The following ELP1 variants were observed in gnomAD, a reference collection of about 807,000 sequenced individuals.
The protein encoded by ELP1 is elongator acetyltransferase complex subunit 1, also known as elongator complex protein 1.
Under a neutral mutation model 183.2 loss-of-function variants are expected in ELP1, and 131 were observed. The ratio of observed to expected loss-of-function variants is 0.72; its 90% CI spans 0.62 to 0.83. ELP1 has a LOEUF of 0.83. ELP1 is among the 40% of genes least tolerant of loss of function. The probability of loss-of-function intolerance (pLI) is 0.00; values close to 1 mark genes in which losing one functional copy is unlikely to be tolerated. For synonymous variants in ELP1, 555 were observed against 569.0 expected, an observed-to-expected ratio of 0.98 and a Z score of 0.35; for missense variants, 1,550 against 1,594.9, an observed-to-expected ratio of 0.97 and a Z score of 0.48.
rs144301886 is a variant in ELP1, at chr9:108,879,525, G to C, written c.3493C>G (p.Leu1165Val). ...ACGACACTGCTAGTTTCAGAGAAGA[G>C]GTCTGACTCTTGCCCGTGGGGTACC... ...DEVPHGQESDLFSETSSVVSG... is the reference protein window; with the variant it reads ...DEVPHGQESDVFSETSSVVSG... Residue 1165 changes from leucine (L) to valine (V), a missense_variant, in exon 33 of 37, where the codon CTC becomes GTC. Transcript: ENST00000374647. 3.1e-6 allele frequency: 5 copies of C among 1,613,936 alleles called. No homozygotes were observed. The highest frequency in any genetic ancestry group is 4.2e-6 in the Non-Finnish European group (5 of 1,179,948).
chr9:108,911,275 C>T (rs1232257915), intron 11 of ELP1, 95 bp from the exon 12 acceptor site: 3 of 1,161,766 alleles, frequency 2.6e-6, no homozygotes, highest in South Asian at 1.3e-5. Flanking sequence ...ACAATAATGG[C>T]AATTCACAAA....
chr9:108,920,880 T>C (rs947891716), intron 6 of ELP1, among the ~76,000 whole-genome samples: 1 of 152,070 alleles, frequency 6.6e-6, no homozygotes, highest in Admixed American at 6.5e-5. Flanking sequence ...ACCTGGATCA[T>C]CCTATACCAT....
intron 29 of ELP1, among the ~76,000 whole-genome samples, chr9:108,885,345 C>A (rs913918534): frequency 6.6e-6 from 1 of 151,900 alleles, no homozygotes; most frequent in South Asian, 2.1e-4. Flanking sequence ...TCACCATAGA[C>A]CCTACGGACA....
chr9:108,876,584 G>A (rs1274158779), intron 35 of ELP1, among the ~76,000 whole-genome samples: 1 of 152,134 alleles, frequency 6.6e-6, no homozygotes, highest in Non-Finnish European at 1.5e-5. Flanking sequence ...TCTATCCACT[G>A]CTTGTGGTGC....
intron 5 of ELP1, among the ~76,000 whole-genome samples, chr9:108,925,341 C>T (rs1829793237): frequency 6.6e-6 from 1 of 152,220 alleles, no homozygotes; most frequent in Non-Finnish European, 1.5e-5. Flanking sequence ...TCTGCCACTT[C>T]AGCAATGCTG....
In ELP1 at chr9:108,896,476, A is replaced by G. The variant is rs1392637150; in HGVS notation, c.2736+20T>C. Reference sequence around the variant, plus strand: ...ATATAAACAAGAACCAAATGGCATAAAAGTAAGAACTCCACATACCTTCTG... The same window carrying G: ...ATATAAACAAGAACCAAATGGCATAGAAGTAAGAACTCCACATACCTTCTG... On this transcript the variant is annotated intron_variant, in intron 25 of 36. Coordinates refer to ENST00000374647, the MANE Select transcript of ELP1 (RefSeq NM_003640.5). 1 of 1,613,338 alleles carries G rather than the reference A, an allele frequency of 6.2e-7. No individual in the cohort carries two copies. The highest frequency in any genetic ancestry group is 1.7e-5 in the Admixed American group (1 of 60,024).
rs1300230302 is a variant in ELP1 at position 108,922,939 on chromosome 9, T to A, written c.467-12A>T. ...AGTGATAAACTTGCCTACAGAACAATTGGCAAGACAACTAATAAGCCACAT... is the reference window on the plus strand; with the variant it reads ...AGTGATAAACTTGCCTACAGAACAAATGGCAAGACAACTAATAAGCCACAT... On this transcript the variant is annotated splice_polypyrimidine_tract_variant and intron_variant, in intron 5 of 36. Coordinates refer to ENST00000374647, the MANE Select transcript of ELP1 (RefSeq NM_003640.5). 14 of 1,592,002 alleles carry A rather than the reference T, an allele frequency of 8.8e-6. No individual in the cohort carries two copies. The highest frequency in any genetic ancestry group is 1.2e-5 in the Non-Finnish European group (14 of 1,159,774).
chr9:108,932,720 C>T (rs941089396), intron 1 of ELP1, among the ~76,000 whole-genome samples: 1 of 152,102 alleles, frequency 6.6e-6, no homozygotes, highest in Non-Finnish European at 1.5e-5. Context: ...GCCTTATTCC[C>T]TTATCTTCTC....
rs762459195 is a variant in ELP1 at position 108,912,317 on chromosome 9, C to T, written c.1136G>A (p.Arg379Gln). ...LAYDWHWTTD[R>Q]SVGDNSSDLS... ...GTCACTTGAATTATCTCCCACGCTC[C>T]GGTCAGTCGTCCAGTGCCAATCATA... Residue 379 changes from arginine to glutamine, a missense_variant, in exon 11 of 37, where the codon CGG (arginine) becomes CAG (glutamine). Physicochemically the swap from Arg to Gln is conservative, Grantham distance 43 (BLOSUM62 1). Coordinates refer to ENST00000374647, the MANE Select transcript of ELP1 (RefSeq NM_003640.5). The T allele has an allele frequency of 2.7e-5, 43 of 1,614,056 alleles. No individual in the cohort carries two copies. Among genetic ancestry groups the T allele is most frequent in the Non-Finnish European group, 3.4e-5 (40 of 1,180,030 alleles).
intron 25 of ELP1, among the ~76,000 whole-genome samples, chr9:108,894,909 G>A (rs1417359605): frequency 6.6e-6 from 1 of 152,076 alleles, no homozygotes; most frequent in Non-Finnish European, 1.5e-5. Context: ...TGTTTTTAAT[G>A]CAATTTCCCT....
intron 32 of ELP1, 26 bp from the exon 33 acceptor site, chr9:108,879,583 T>A: frequency 6.6e-7 from 1 of 1,504,524 alleles, no homozygotes. Flanking sequence ...CAGAAGCCGA[T>A]GAAAACACTG....
At chr9:108,925,245 T>C (rs1449345085) in intron 5 of ELP1, among the ~76,000 whole-genome samples, 1 of 152,192 alleles carries the variant, frequency 6.6e-6, no homozygotes, top group East Asian at 1.9e-4. Flanking sequence ...AAACTTGTAA[T>C]GGCTGATCAA....
chr9:108,914,990 A>G (rs888795538), intron 10 of ELP1, among the ~76,000 whole-genome samples: 1 of 152,148 alleles, frequency 6.6e-6, no homozygotes, highest in Non-Finnish European at 1.5e-5. Flanking sequence ...TACATGAAAA[A>G]CCTAGAAGAC....
chr9:108,914,413 A>AAAG (rs1491236727), intron 10 of ELP1, among the ~76,000 whole-genome samples: 2 of 89,132 alleles, frequency 2.2e-5, no homozygotes, highest in African/African-American at 9.4e-5. Context: ...AAAAAAAAAA[A>AAAG]GGGGGGGGGG....
chr9:108,922,002 A>G (rs754955418), intron 6 of ELP1, among the ~76,000 whole-genome samples: 1 of 152,196 alleles, frequency 6.6e-6, no homozygotes, highest in African/African-American at 2.4e-5. Flanking sequence ...GCTCAGAAAC[A>G]TTAGGAAACT....
At chr9:108,929,421 A>C (rs1829924224) in intron 3 of ELP1, among the ~76,000 whole-genome samples, 1 of 152,182 alleles carries the variant, frequency 6.6e-6, no homozygotes, top group African/African-American at 2.4e-5. Context: ...ATAAACAAAG[A>C]CTTCCTAAAT....
intron 13 of ELP1, 62 bp downstream of exon 13, chr9:108,908,243 G>A: frequency 2.4e-6 from 3 of 1,238,148 alleles, no homozygotes; most frequent in South Asian, 1.2e-5. Flanking sequence ...TCAGATGGCT[G>A]AATTTAGGAC....
At chr9:108,920,280 ATTTT>A (rs34765805) in intron 6 of ELP1, among the ~76,000 whole-genome samples, 1 of 132,354 alleles carries the variant, frequency 7.6e-6, no homozygotes. Context: ...CTCTCACCCA[ATTTT>A]TTTTTTTTTT....
chr9:108,921,064 ATAT>A (rs1362182299), intron 6 of ELP1, among the ~76,000 whole-genome samples: 2 of 152,142 alleles, frequency 1.3e-5, no homozygotes, highest in African/African-American at 2.4e-5. Flanking sequence ...TATAATTTAC[ATAT>A]TATTAAGGTT....
Sources: gnomAD v4.1 joint callset for allele counts (sites outside exome capture counted in the v4.1 genomes callset) on GRCh38, gnomAD v4.1.1 for gene constraint, MANE v1.5 for transcripts, NCBI Gene and HGNC (gene_info 2026-07-23, HGNC 2026-07-21) for gene names.